Variants in UPK1B observed in about 807,000 individuals in gnomAD.
UPK1B encodes the protein uroplakin 1B, also known as uroplakin-1b.
Under a neutral mutation model 34.2 loss-of-function variants are expected in UPK1B, and 28 were observed. That is an observed-to-expected ratio of 0.82 (90% CI 0.61 to 1.12). UPK1B has a LOEUF of 1.12. UPK1B is among the 50% of genes most tolerant of loss of function. The pLI is 0.00. For missense variants in UPK1B, 325 were observed against 320.9 expected (o/e 1.01, Z -0.10); for synonymous variants, 81 against 110.4 (o/e 0.73, Z 1.67).
intron 6 of UPK1B, among the ~76,000 whole-genome samples, chr3:119,195,947 G>A (rs538004010): frequency 2.6e-5 from 4 of 152,050 alleles, no homozygotes; most frequent in Middle Eastern, 3.4e-3. Flanking sequence ...CTTCTAACAC[G>A]TTCCCTTACA....
intron 1 of UPK1B, among the ~76,000 whole-genome samples, chr3:119,175,233 T>G (rs2077950856): frequency 6.8e-6 from 1 of 146,882 alleles, no homozygotes. Context: ...TTCACCGTGT[T>G]AGCCAAGATG....
At chr3:119,190,366 TA>T in intron 4 of UPK1B, 47 bp downstream of exon 4, 2 of 1,462,730 alleles carry the variant, frequency 1.4e-6, no homozygotes, top group East Asian at 4.5e-5. Context: ...ATCATTATTA[TA>T]ACAACCAACA....
chr3:119,176,059 C>T (rs1379826678), intron 1 of UPK1B: 1 of 152,148 alleles, frequency 6.6e-6, no homozygotes, highest in Non-Finnish European at 1.5e-5. Context: ...ATCTCCACAC[C>T]CATCTTTACT....
At chr3:119,197,249 A>G (rs2078071502) in intron 6 of UPK1B, among the ~76,000 whole-genome samples, 2 of 152,234 alleles carry the variant, frequency 1.3e-5, no homozygotes. Context: ...CAGAAATGCT[A>G]TGTGCAAATT....
chr3:119,174,681 A>G (rs1359715911), intron 1 of UPK1B, among the ~76,000 whole-genome samples: 1 of 152,226 alleles, frequency 6.6e-6, no homozygotes, highest in East Asian at 1.9e-4. Context: ...TGAGTTGCTA[A>G]GCACAACAGG....
At chr3:119,187,744 C>T (rs771780467) in intron 2 of UPK1B, 31 bp from the exon 3 acceptor site, 6 of 1,612,112 alleles carry the variant, frequency 3.7e-6, no homozygotes, top group Admixed American at 3.3e-5. Flanking sequence ...AGCTGCACTC[C>T]TGATGGAGCC....
chr3:119,179,377 ATATATATATATATATATATATT>A (rs1378554854), intron 1 of UPK1B, among the ~76,000 whole-genome samples: 1,426 of 83,984 alleles, frequency 0.017, 73 homozygotes, highest in African/African-American at 0.051. Flanking sequence ...ATATATATAT[ATATATATATATATATATATATT>A]AATTCTAAGG....
At chr3:119,190,024 G>A (rs552379503) in intron 3 of UPK1B, among the ~76,000 whole-genome samples, 3 of 152,182 alleles carry the variant, frequency 2.0e-5, no homozygotes, top group African/African-American at 7.2e-5. Context: ...ACTGAGGAAG[G>A]TCTGTATTCA....
chr3:119,197,996 G>A (rs895597344), intron 6 of UPK1B, among the ~76,000 whole-genome samples: 1 of 152,196 alleles, frequency 6.6e-6, no homozygotes, highest in East Asian at 1.9e-4. Context: ...TTTTGAAGGA[G>A]CATAAAGGAG....
intron 1 of UPK1B, among the ~76,000 whole-genome samples, chr3:119,182,695 G>A (rs558998998): frequency 6.6e-6 from 1 of 152,316 alleles, no homozygotes; most frequent in African/African-American, 2.4e-5. Context: ...GTGAGCCACT[G>A]GAAGCCTACA....
At chr3:119,193,726 A>G (rs909186659) in intron 5 of UPK1B, among the ~76,000 whole-genome samples, 9 of 152,190 alleles carry the variant, frequency 5.9e-5, no homozygotes, top group Non-Finnish European at 1.2e-4. Flanking sequence ...CTTTGATATA[A>G]TCTTTAATTT....
chr3:119,185,075 A>C (rs761970024), intron 1 of UPK1B, among the ~76,000 whole-genome samples: 4 of 152,260 alleles, frequency 2.6e-5, no homozygotes, highest in Non-Finnish European at 4.4e-5. Context: ...TTCTAAGCAG[A>C]AAGAAATGAA....
intron 4 of UPK1B, 24 bp from the exon 5 acceptor site, chr3:119,190,957 CT>C: frequency 1.2e-6 from 2 of 1,612,630 alleles, no homozygotes; most frequent in Non-Finnish European, 1.7e-6. Flanking sequence ...ATCTCTCCCT[CT>C]TGTGTTGCCT....
At chr3:119,187,554 G>A (rs562538873) in intron 2 of UPK1B, among the ~76,000 whole-genome samples, 37 of 152,330 alleles carry the variant, frequency 2.4e-4, no homozygotes, top group African/African-American at 8.4e-4. Flanking sequence ...GTCTGAAATT[G>A]TGTGGGTCTG....
chr3:119,195,607 T>C (rs2078063239), intron 6 of UPK1B, among the ~76,000 whole-genome samples: 1 of 152,234 alleles, frequency 6.6e-6, no homozygotes, highest in South Asian at 2.1e-4. Context: ...AATTTGCTGC[T>C]TATAATCAAG....
Position 119,190,337 on chromosome 3 carries a change from A to C in UPK1B, c.345+18A>C. On this transcript the variant is annotated intron_variant, in intron 4 of 7. Coordinates refer to ENST00000264234, the MANE Select transcript of UPK1B (RefSeq NM_006952.4). ...AAGACTTTGTGAGTACAACCTCAAA[A>C]AGCAAAATAATATGAATTATCATTA... 1 of 1,581,244 alleles carries C rather than the reference A, an allele frequency of 6.3e-7. No individual in the cohort carries two copies. The highest frequency in any genetic ancestry group is 8.7e-7 in the Non-Finnish European group (1 of 1,151,986).
At position 119,204,171 on chromosome 3, in the gene UPK1B, G is replaced by A; in HGVS notation, c.*204G>A. 1.8e-6 allele frequency: 1 copy of A among 567,220 alleles called. No homozygotes were observed. Among genetic ancestry groups the A allele is most frequent in the Non-Finnish European group, 3.1e-6 (1 of 320,632 alleles). The allele number at this position is 567,220 out of a possible 1,614,324, so 35.1% of individuals were successfully genotyped here. ...ACTTTTCATCCTAGTCTAGCATTCT[G>A]CAACATTTATATAGACTGTTGAAAG... is the stretch of plus-strand genomic sequence containing the variant. On this transcript the variant is annotated 3_prime_UTR_variant, in exon 8 of 8. Coordinates refer to ENST00000264234, the MANE Select transcript of UPK1B (RefSeq NM_006952.4).
At chr3:119,194,421 A>G (rs765774198) in intron 6 of UPK1B, 23 bp downstream of exon 6, 17 of 1,589,814 alleles carry the variant, frequency 1.1e-5, no homozygotes, top group Non-Finnish European at 1.5e-5. Flanking sequence ...TCCTCCCAAG[A>G]CTTCCCAGGA....
At chr3:119,183,940 T>C (rs1303061643) in intron 1 of UPK1B, among the ~76,000 whole-genome samples, 1 of 152,038 alleles carries the variant, frequency 6.6e-6, no homozygotes, top group Non-Finnish European at 1.5e-5. Flanking sequence ...AGAGAATGCA[T>C]AGTGAAAAAG....
Sources: allele counts gnomAD v4.1 joint callset (sites outside exome capture counted in the v4.1 genomes callset), GRCh38; gene constraint gnomAD v4.1.1; transcripts MANE v1.5; gene names NCBI Gene and HGNC (gene_info 2026-07-23, HGNC 2026-07-21).